The following RNF2 variants were observed in gnomAD, a reference collection of about 807,000 sequenced individuals.
RNF2 encodes the protein E3 ubiquitin-protein ligase RING2.
In RNF2, 6 loss-of-function variants were observed where a neutral mutation model predicts 37.2. The ratio of observed to expected loss-of-function variants is 0.16; its 90% CI spans 0.09 to 0.32. RNF2 has a LOEUF of 0.32. RNF2 is among the 10% of genes least tolerant of loss of function. The pLI is 1.00. For missense variants in RNF2, 251 were observed against 404.0 expected, an observed-to-expected ratio of 0.62 and a Z score of 3.25; for synonymous variants, 133 against 132.7, an observed-to-expected ratio of 1.00 and a Z score of -0.02.
intron 4 of RNF2, among the ~76,000 whole-genome samples, chr1:185,096,737 T>C (rs1178064180): frequency 2.0e-5 from 3 of 152,248 alleles, no homozygotes; most frequent in South Asian, 2.1e-4. Flanking sequence ...GAATAATCCA[T>C]TGTGTGTGCT....
chr1:185,081,199 G>GT (rs1651339057), intron 1 of RNF2, among the ~76,000 whole-genome samples: 1 of 152,102 alleles, frequency 6.6e-6, no homozygotes, highest in Admixed American at 6.6e-5. Flanking sequence ...TGAGAAATAA[G>GT]TTTGTTTATT....
In RNF2 at chr1:185,100,447, C is replaced by A. The variant is rs1652046043; in HGVS notation, c.*146C>A. On this transcript the variant is annotated 3_prime_UTR_variant, in exon 7 of 7. Transcript: ENST00000367510. ...CCAGACTAGTTTACGCTATTCAAAT[C>A]TTTTCCCCTTTATTTAAGATTTCCT... 2.3e-6 allele frequency: 1 copy of A among 434,542 alleles called. No individual in the cohort carries two copies. The highest frequency in any genetic ancestry group is 4.1e-6 in the Non-Finnish European group (1 of 242,770). 26.9% of individuals were successfully genotyped at this position (434,542 alleles called of 1,614,324 possible). A position where few individuals can be genotyped will look rare whatever the true frequency, so the allele number is the denominator to read the frequency against.
intron 1 of RNF2, among the ~76,000 whole-genome samples, chr1:185,062,926 G>A (rs1230551561): frequency 6.6e-6 from 1 of 151,858 alleles, no homozygotes; most frequent in East Asian, 1.9e-4. Flanking sequence ...TATCAGATTG[G>A]GCAGGGTTTT....
At chr1:185,082,154 C>A (rs934863093) in intron 1 of RNF2, among the ~76,000 whole-genome samples, 2 of 152,076 alleles carry the variant, frequency 1.3e-5, no homozygotes, top group African/African-American at 4.8e-5. Flanking sequence ...ACCCACTTAT[C>A]GAGCTTTTTC....
intron 4 of RNF2, among the ~76,000 whole-genome samples, chr1:185,093,563 C>G (rs539450826): frequency 6.6e-6 from 1 of 151,960 alleles, no homozygotes; most frequent in Non-Finnish European, 1.5e-5. Flanking sequence ...TTTTATGAAC[C>G]CCCTCCAATC....
chr1:185,087,100 G>T (rs1467552387), intron 1 of RNF2, among the ~76,000 whole-genome samples: 1 of 151,760 alleles, frequency 6.6e-6, no homozygotes, highest in Non-Finnish European at 1.5e-5. Flanking sequence ...TGAATAATTT[G>T]TTTTTTTTAT....
At chr1:185,062,192 G>A (rs1650626763) in intron 1 of RNF2, among the ~76,000 whole-genome samples, 1 of 152,112 alleles carries the variant, frequency 6.6e-6, no homozygotes, top group South Asian at 2.1e-4. Context: ...AGGCAGCTGT[G>A]GGGATAGTGT....
chr1:185,099,756 C>T (rs760676860), intron 5 of RNF2, 35 bp from the exon 6 acceptor site: 6 of 1,564,460 alleles, frequency 3.8e-6, no homozygotes, highest in Admixed American at 1.8e-5. Context: ...TTGGCATATT[C>T]TAGAAATGAA....
At chr1:185,085,984 A>G (rs1017937579) in intron 1 of RNF2, among the ~76,000 whole-genome samples, 1 of 152,168 alleles carries the variant, frequency 6.6e-6, no homozygotes, top group African/African-American at 2.4e-5. Flanking sequence ...TCCAATCACA[A>G]GCATACCCAT....
intron 1 of RNF2, among the ~76,000 whole-genome samples, chr1:185,046,899 C>G (rs562906822): frequency 6.6e-6 from 1 of 152,280 alleles, no homozygotes; most frequent in East Asian, 1.9e-4. Context: ...ATTCTAATAA[C>G]TGAGGTGGGT....
chr1:185,077,625 G>GGTTTTTTTTTTTTTTTTTTTTT (rs1553241127), intron 1 of RNF2, among the ~76,000 whole-genome samples: 2 of 115,690 alleles, frequency 1.7e-5, no homozygotes, highest in African/African-American at 6.6e-5. Flanking sequence ...AATTAACTTT[G>GGTTTTTTTTTTTTTTTTTTTTT]TTTTTTTTTT....
intron 4 of RNF2, among the ~76,000 whole-genome samples, chr1:185,097,864 C>T (rs187927815): frequency 7.2e-5 from 11 of 152,270 alleles, no homozygotes; most frequent in Middle Eastern, 3.4e-3. Flanking sequence ...TAGAAACATT[C>T]GTTAAATTAT....
In RNF2 at chr1:185,068,740, TAGCC is replaced by T. The variant is rs1650874459; in HGVS notation, c.-2-18810_-2-18807del. ...CTTCAAATTTGTGATAATGTTACAGTAGCCATAGAAAACTAATATAGCAATCATT... is the reference window on the plus strand; with the variant it reads ...CTTCAAATTTGTGATAATGTTACAGTATAGAAAACTAATATAGCAATCATT... On this transcript the variant is annotated intron_variant, in intron 1 of 6. Transcript: ENST00000367510. Among the ~76,000 whole-genome samples the T allele has an allele frequency of 3.9e-5, 6 of 152,368 alleles. No homozygotes were observed. The South Asian group carries it at 1.2e-3, about 32-fold the overall frequency.
At chr1:185,080,846 TTTTA>T (rs1269531250) in intron 1 of RNF2, among the ~76,000 whole-genome samples, 2 of 152,180 alleles carry the variant, frequency 1.3e-5, no homozygotes, top group African/African-American at 4.8e-5. Context: ...CAGCAGAATG[TTTTA>T]TTTGATAGTT....
At chr1:185,065,696 G>A (rs951941142) in intron 1 of RNF2, among the ~76,000 whole-genome samples, 3 of 152,100 alleles carry the variant, frequency 2.0e-5, no homozygotes, top group Non-Finnish European at 4.4e-5. Flanking sequence ...AACAAATTCC[G>A]GACACACCAT....
chr1:185,045,729 A>G (rs1417728085), intron 1 of RNF2, 80 bp downstream of exon 1: 3 of 147,502 alleles, frequency 2.0e-5, no homozygotes, highest in African/African-American at 7.4e-5. Flanking sequence ...GTTGCAGGCG[A>G]CTGACGGGGG....
chr1:185,056,083 G>T (rs1650426457), intron 1 of RNF2, among the ~76,000 whole-genome samples: 1 of 151,952 alleles, frequency 6.6e-6, no homozygotes, highest in Non-Finnish European at 1.5e-5. Context: ...TTGAAATGTA[G>T]GTCCCATTTA....
intron 1 of RNF2, among the ~76,000 whole-genome samples, chr1:185,067,885 A>G (rs555027502): frequency 6.6e-6 from 1 of 150,978 alleles, no homozygotes; most frequent in African/African-American, 2.4e-5. Flanking sequence ...TAATTTTTGT[A>G]TTTTTAATAC....
chr1:185,047,286 T>C (rs923582562), intron 1 of RNF2, among the ~76,000 whole-genome samples: 1 of 152,238 alleles, frequency 6.6e-6, no homozygotes, highest in East Asian at 1.9e-4. Flanking sequence ...CTAGTTGTCC[T>C]AAAGTGTGTT....
Sources: allele counts gnomAD v4.1 joint callset (sites outside exome capture counted in the v4.1 genomes callset), GRCh38; gene constraint gnomAD v4.1.1; transcripts MANE v1.5; gene names NCBI Gene and HGNC (gene_info 2026-07-23, HGNC 2026-07-21).